The following CATSPER1 variants were observed in gnomAD, a reference collection of about 807,000 sequenced individuals.
CATSPER1 encodes cation channel sperm-associated protein 1.
Under a neutral mutation model 72.7 loss-of-function variants are expected in CATSPER1, and 57 were observed. That is an observed-to-expected ratio of 0.78 (90% CI 0.63 to 0.98). The LOEUF is 0.98. Ranked by LOEUF, CATSPER1 falls within the 50% of genes least tolerant of loss-of-function variation. CATSPER1 has a pLI of 0.00. For missense variants in CATSPER1, 910 were observed against 1,033.9 expected (o/e 0.88, Z 1.64); for synonymous variants, 363 against 403.0 (o/e 0.90, Z 1.19).
Position 66,026,390 on chromosome 11 carries a change from G to T in CATSPER1, c.-11C>A, listed in dbSNP as rs780430887. 2 of 1,604,090 alleles carry T rather than the reference G, an allele frequency of 1.2e-6. No homozygotes were observed. The highest frequency in any genetic ancestry group is 3.4e-5 in the Admixed American group (2 of 58,068). Reference sequence around the variant, plus strand: ...TGAGTTTTGATCCATGACTGTGCTGGGAACTCTGGAGCCAAAAGAGCTCAA... The same window carrying T: ...TGAGTTTTGATCCATGACTGTGCTGTGAACTCTGGAGCCAAAAGAGCTCAA... On this transcript the variant is annotated 5_prime_UTR_variant, in exon 1 of 12. Coordinates refer to ENST00000312106, the MANE Select transcript of CATSPER1 (RefSeq NM_053054.4).
intron 1 of CATSPER1, 28 bp from the exon 2 acceptor site, chr11:66,023,089 G>A: frequency 6.2e-7 from 1 of 1,602,708 alleles, no homozygotes; most frequent in Non-Finnish European, 8.5e-7. Context: ...AGAAAGTCAA[G>A]TGTGTGCAAG....
rs369239823 is a variant in CATSPER1, at chr11:66,022,925, A to G, written c.1353T>C (p.Thr451=). The G allele has an allele frequency of 6.2e-7, 1 of 1,614,236 alleles. No homozygotes were observed. Among genetic ancestry groups the G allele is most frequent in the Non-Finnish European group, 8.5e-7 (1 of 1,180,042 alleles). ...RNLTQSLAFE[T]FIFFVVCLNT... ...TGAGGCAGACAACGAAGAAGATGAA[A>G]GTTTCAAAGGCCAAGGATTGGGTCA... The change falls in exon 2 of 12, where the codon ACT becomes ACC. Residue 451 remains threonine (T), a synonymous_variant. Coordinates refer to ENST00000312106, the MANE Select transcript of CATSPER1 (RefSeq NM_053054.4).
At position 66,025,163 on chromosome 11, in the gene CATSPER1, C is replaced by CT. The variant is rs1245426819; in HGVS notation, c.1216dup (p.Thr406AsnfsTer45). The CT allele has an allele frequency of 6.2e-7, 1 of 1,614,144 alleles. No individual in the cohort carries two copies. Among genetic ancestry groups the CT allele is most frequent in the Non-Finnish European group, 8.5e-7 (1 of 1,180,026 alleles). ...GCATGGGGGGCCCAGCAAAGACTCACTTTTGCGTTTCTGAAATTGCCCTTC... is the reference window on the plus strand; with the variant it reads ...GCATGGGGGGCCCAGCAAAGACTCACTTTTTGCGTTTCTGAAATTGCCCTTC... On this transcript the variant is annotated frameshift_variant and splice_region_variant. Coordinates refer to ENST00000312106, the MANE Select transcript of CATSPER1 (RefSeq NM_053054.4). LOFTEE classifies it high-confidence loss of function.
intron 4 of CATSPER1, 49 bp from the exon 5 acceptor site, chr11:66,021,234 G>A: frequency 6.5e-7 from 1 of 1,542,198 alleles, no homozygotes; most frequent in South Asian, 1.1e-5. Flanking sequence ...GGGCGGGGGT[G>A]TGTGTCTCTG....
At chr11:66,024,271 GTTTTTTTTTTTT>G (rs796751086) in intron 1 of CATSPER1, among the ~76,000 whole-genome samples, 6,365 of 110,742 alleles carry the variant, frequency 0.057, 584 homozygotes, top group African/African-American at 0.22. Flanking sequence ...CAGCCTATTT[GTTTTTTTTTTTT>G]TTTTTTTTTT....
intron 1 of CATSPER1, among the ~76,000 whole-genome samples, chr11:66,024,517 C>T (rs917830131): frequency 1.3e-5 from 2 of 152,060 alleles, no homozygotes; most frequent in African/African-American, 4.8e-5. Context: ...TGACCTCAAG[C>T]GATCCACCCA....
In CATSPER1 at chr11:66,020,025, T is replaced by C; in HGVS notation, c.2125+115A>G. ...TAAAGTCCTCCTGAGTCTCAAATTC[T>C]AAAACTCTAAAACTGAGTCTGGAAT... On this transcript the variant is annotated intron_variant, in intron 9 of 11. Transcript: ENST00000312106. This position sits in a 1 kb window ranked among gnomAD's most constrained non-coding sequence, Gnocchi z 4.5. 1 of 1,134,932 alleles carries C rather than the reference T, an allele frequency of 8.8e-7. No homozygotes were observed. Among genetic ancestry groups the C allele is most frequent in the Non-Finnish European group, 1.3e-6 (1 of 783,752 alleles). 70.3% of individuals were successfully genotyped at this position (1,134,932 alleles called of 1,614,324 possible).
In CATSPER1 at chr11:66,016,810, C is replaced by G. The variant is rs1856245715; in HGVS notation, c.*80G>C. On this transcript the variant is annotated 3_prime_UTR_variant, in exon 12 of 12. Transcript: ENST00000312106. Reference sequence around the variant, plus strand: ...TGCAGGGCCCGGACAATCATTCCAGCAGATCTGGGGACCCGTCCCAGTGCA... The same window carrying G: ...TGCAGGGCCCGGACAATCATTCCAGGAGATCTGGGGACCCGTCCCAGTGCA... The G allele has an allele frequency of 5.3e-6, 8 of 1,503,044 alleles. No homozygotes were observed. Among genetic ancestry groups the G allele is most frequent in the Non-Finnish European group, 7.3e-6 (8 of 1,101,408 alleles). 93.1% of individuals were successfully genotyped at this position (1,503,044 alleles called of 1,614,324 possible).
Position 66,025,738 on chromosome 11 carries a change from G to C in CATSPER1, c.642C>G (p.His214Gln). The C allele has an allele frequency of 6.2e-7, 1 of 1,613,944 alleles. No individual in the cohort carries two copies. Among genetic ancestry groups the C allele is most frequent in the Non-Finnish European group, 8.5e-7 (1 of 1,179,968 alleles). ...HDESQHHQVP[H>Q]RGWPHHHQVH... ...CTTGGTGATGGTGGGGCCAGCCACG[G>C]TGGGGGACTTGGTGATGCTGGGACT... Residue 214 changes from histidine (H) to glutamine (Q), a missense_variant, in exon 1 of 12, where the codon CAC (histidine) becomes CAG (glutamine). Physicochemically the swap from His to Gln is conservative, Grantham distance 24 (BLOSUM62 0). Coordinates refer to ENST00000312106, the MANE Select transcript of CATSPER1 (RefSeq NM_053054.4).
In CATSPER1 at chr11:66,020,592, T is replaced by C. The variant is rs371363491; in HGVS notation, c.1963A>G (p.Ile655Val). The C allele has an allele frequency of 5.0e-5, 81 of 1,612,270 alleles. No homozygotes were observed. The highest frequency in any genetic ancestry group is 6.0e-5 in the Non-Finnish European group (71 of 1,179,448). ...WYIIPILVIY[I>V]IIQYFIFLNL... ...AGGAAGATGAAGTACTGGATGATGA[T>C]GTAAATTACGAGGATGGGAATGATG... The change falls in exon 7 of 12, where the codon ATC becomes GTC. Residue 655 changes from isoleucine to valine, a missense_variant. Coordinates refer to ENST00000312106, the MANE Select transcript of CATSPER1 (RefSeq NM_053054.4). This position sits in a 1 kb window ranked among gnomAD's most constrained non-coding sequence, Gnocchi z 4.5.
Position 66,020,988 on chromosome 11 carries a change from G to C in CATSPER1, c.1784-34C>G, listed in dbSNP as rs374731202. 6.2e-7 allele frequency: 1 copy of C among 1,613,368 alleles called. No homozygotes were observed. The highest frequency in any genetic ancestry group is 1.1e-5 in the South Asian group (1 of 91,080). ...TCAGGGCCAAACTCAGCTCTCCAGT[G>C]CTATCCCCACCCCAGCGCCCCTCGT... On this transcript the variant is annotated intron_variant, in intron 5 of 11. Coordinates refer to ENST00000312106, the MANE Select transcript of CATSPER1 (RefSeq NM_053054.4). This position sits in a 1 kb window ranked among gnomAD's most constrained non-coding sequence, Gnocchi z 4.5.
At chr11:66,022,749 A>T in intron 2 of CATSPER1, 100 bp downstream of exon 2, 1 of 1,099,372 alleles carries the variant, frequency 9.1e-7, no homozygotes, top group Non-Finnish European at 1.4e-6. Flanking sequence ...GGATCAAGTG[A>T]GCTGAGTCCT....
intron 11 of CATSPER1, 34 bp from the exon 12 acceptor site, chr11:66,016,950 G>A (rs1298632593): frequency 6.2e-7 from 1 of 1,613,932 alleles, no homozygotes; most frequent in Non-Finnish European, 8.5e-7. Context: ...GTGGGTGAAT[G>A]AGCCAGACTT....
At chr11:66,023,124 C>T in intron 1 of CATSPER1, 63 bp from the exon 2 acceptor site, 1 of 1,471,862 alleles carries the variant, frequency 6.8e-7, no homozygotes, top group South Asian at 1.1e-5. Context: ...CCCAGGCACC[C>T]CCCAGCCTGG....
At chr11:66,018,494 A>G (rs1487137570) in intron 10 of CATSPER1, among the ~76,000 whole-genome samples, 1 of 152,088 alleles carries the variant, frequency 6.6e-6, no homozygotes, top group Non-Finnish European at 1.5e-5. Flanking sequence ...AGGTCTTTAG[A>G]GGTGGGGTCC....
Position 66,016,795 on chromosome 11 carries a change from G to C in CATSPER1, c.*95C>G. The C allele has an allele frequency of 6.9e-7, 1 of 1,440,106 alleles. No homozygotes were observed. The highest frequency in any genetic ancestry group is 9.5e-7 in the Non-Finnish European group (1 of 1,051,842). 89.2% of individuals were successfully genotyped at this position (1,440,106 alleles called of 1,614,324 possible). On this transcript the variant is annotated 3_prime_UTR_variant, in exon 12 of 12. Transcript: ENST00000312106. Reference sequence around the variant, plus strand: ...TTGGGGCCCCTGCTCTGCAGGGCCCGGACAATCATTCCAGCAGATCTGGGG... The same window carrying C: ...TTGGGGCCCCTGCTCTGCAGGGCCCCGACAATCATTCCAGCAGATCTGGGG...
chr11:66,024,615 T>G (rs1856454549), intron 1 of CATSPER1, among the ~76,000 whole-genome samples: 1 of 152,088 alleles, frequency 6.6e-6, no homozygotes, highest in Non-Finnish European at 1.5e-5. Flanking sequence ...GGAAGAAAGT[T>G]TGGTGGCGTA....
chr11:66,017,193 G>GGGGGGGGGGGGGA lies in CATSPER1; in HGVS notation c.2202-20_2202-19insTCCCCCCCCCCCC. 1 of 493,814 alleles carries GGGGGGGGGGGGGA rather than the reference G, an allele frequency of 2.0e-6. No individual in the cohort carries two copies. 30.6% of individuals were successfully genotyped at this position (493,814 alleles called of 1,614,324 possible). On this transcript the variant is annotated intron_variant, in intron 10 of 11. Transcript: ENST00000312106. ...CTGCTGCCTGCGGGTGGGCGGGGGG[G>GGGGGGGGGGGGGA]TCGCAGAGACAGGGGCTGGGCTGAC...
chr11:66,017,115 T>C lies in CATSPER1; in HGVS notation c.2261A>G (p.Gln754Arg). Residue 754 changes from glutamine to arginine, a missense_variant, in exon 11 of 12, where the codon CAG (glutamine) becomes CGG (arginine). Coordinates refer to ENST00000312106, the MANE Select transcript of CATSPER1 (RefSeq NM_053054.4). ...GACGGCTGCCTGGGAGCGGAACTTC[T>C]GCTGCTCCTGCTCCACGCTTGCCAC... ...QLVASVEQEQ[Q>R]KFRSQAAVID... The C allele has an allele frequency of 6.6e-7, 1 of 1,525,052 alleles. No individual in the cohort carries two copies. The highest frequency in any genetic ancestry group is 8.9e-7 in the Non-Finnish European group (1 of 1,124,682). 94.5% of individuals were successfully genotyped at this position (1,525,052 alleles called of 1,614,324 possible). A position where few individuals can be genotyped will look rare whatever the true frequency, so the allele number is the denominator to read the frequency against.
Sources: gnomAD v4.1 joint callset for allele counts (sites outside exome capture counted in the v4.1 genomes callset) on GRCh38, gnomAD v4.1.1 for gene constraint, Gnocchi (gnomAD v3.1) non-coding constraint, MANE v1.5 for transcripts, NCBI Gene and HGNC (gene_info 2026-07-23, HGNC 2026-07-21) for gene names.